Variants in RELL1 observed in about 807,000 individuals in gnomAD.
RELL1 encodes the protein RELT like 1.
Under a neutral mutation model 23.0 loss-of-function variants are expected in RELL1, and 10 were observed. The ratio of observed to expected loss-of-function variants is 0.43; its 90% CI spans 0.27 to 0.74. The LOEUF (loss-of-function observed/expected upper bound fraction) is 0.74, where lower values mean the gene tolerates loss of function less well. RELL1 is among the 30% of genes least tolerant of loss of function. The pLI, the probability that RELL1 is intolerant of heterozygous loss-of-function variation, is 0.19. For synonymous variants in RELL1, 146 were observed against 146.8 expected, an observed-to-expected ratio of 0.99 and a Z score of 0.04; for missense variants, 315 against 364.4, an observed-to-expected ratio of 0.86 and a Z score of 1.10.
At chr4:37,635,934 G>C (rs896493171) in intron 4 of RELL1, among the ~76,000 whole-genome samples, 6 of 152,306 alleles carry the variant, frequency 3.9e-5, no homozygotes, top group South Asian at 2.1e-4. Context: ...AAGCCTTTAG[G>C]CAAAGATATC....
At position 37,619,362 on chromosome 4, in the gene RELL1, T is replaced by A. The variant is rs377487938; in HGVS notation, c.*4-6020A>T. On this transcript the variant is annotated intron_variant, in intron 6 of 6. Transcript: ENST00000454158. ...CACACCTGGCTAATTTTTGTATTTT[T>A]AGTAGAGTCGGGGTTTCACCATATT... 2.5e-4 allele frequency among the ~76,000 whole-genome samples: 38 copies of A among 151,090 alleles called. No individual in the cohort carries two copies. The East Asian group carries it at 4.4e-3, about 17-fold the overall frequency.
At position 37,604,948 on chromosome 4, in the gene RELL1, C is replaced by T. The variant is rs527439612; in HGVS notation, c.*4-13731G>A. Among the ~76,000 whole-genome samples, 414 of 148,690 alleles carry T rather than the reference C, an allele frequency of 2.8e-3. 9 individuals carry two copies. The highest frequency in any genetic ancestry group is 4.8e-3 in the Non-Finnish European group (321 of 66,938). On this transcript the variant is annotated intron_variant, in intron 6 of 6. Coordinates refer to the RELL1 transcript ENST00000314117. ...ACACACACACAGACACACACATACA[C>T]ACACAGAGACACACACATACACACA...
At chr4:37,640,474 T>C (rs986719600) in intron 3 of RELL1, among the ~76,000 whole-genome samples, 2 of 152,240 alleles carry the variant, frequency 1.3e-5, no homozygotes, top group African/African-American at 4.8e-5. Flanking sequence ...CAATCCCATA[T>C]ACAATTTTGT....
chr4:37,596,931 G>C (rs920721392), intron 6 of RELL1, among the ~76,000 whole-genome samples: 2 of 150,832 alleles, frequency 1.3e-5, no homozygotes, highest in African/African-American at 4.9e-5. Context: ...TATTTTTACT[G>C]GAGACAGGGT....
At chr4:37,684,699 T>C (rs1722339188) in intron 1 of RELL1, among the ~76,000 whole-genome samples, 1 of 152,164 alleles carries the variant, frequency 6.6e-6, no homozygotes, top group South Asian at 2.1e-4. Context: ...ATGCCTGTAA[T>C]ACCAGCACTT....
chr4:37,661,010 G>A (rs1364073188), intron 1 of RELL1, among the ~76,000 whole-genome samples: 1 of 150,450 alleles, frequency 6.6e-6, no homozygotes, highest in Non-Finnish European at 1.5e-5. Context: ...CAGCCTGGGT[G>A]ACAGAGTGAG....
At chr4:37,643,980 C>A (rs765725299) in intron 3 of RELL1, among the ~76,000 whole-genome samples, 18 of 152,038 alleles carry the variant, frequency 1.2e-4, no homozygotes, top group Admixed American at 1.2e-3. Context: ...CTGGAGAAAC[C>A]GCAGGTACAC....
At chr4:37,662,262 T>A (rs1371765550) in intron 1 of RELL1, among the ~76,000 whole-genome samples, 1 of 152,190 alleles carries the variant, frequency 6.6e-6, no homozygotes, top group Non-Finnish European at 1.5e-5. Context: ...ATGATAATTA[T>A]CATTTTTAAT....
chr4:37,670,507 A>G (rs1307666443), intron 1 of RELL1, among the ~76,000 whole-genome samples: 1 of 152,238 alleles, frequency 6.6e-6, no homozygotes, highest in Non-Finnish European at 1.5e-5. Flanking sequence ...TTATTACACT[A>G]TAAAACACAA....
chr4:37,658,887 T>C (rs1721218268), intron 1 of RELL1, among the ~76,000 whole-genome samples: 1 of 152,166 alleles, frequency 6.6e-6, no homozygotes, highest in Non-Finnish European at 1.5e-5. Context: ...GTTTTGAAAA[T>C]GTTCCCACCA....
intron 6 of RELL1, among the ~76,000 whole-genome samples, chr4:37,617,777 C>T (rs750083715): frequency 5.9e-5 from 9 of 152,084 alleles, no homozygotes; most frequent in Non-Finnish European, 1.0e-4. Context: ...AGTGAGACTC[C>T]GTCTCAAAAC....
At chr4:37,590,058 C>A (rs757902964), downstream of RELL1, 8 of 1,548,994 alleles carry the variant, frequency 5.2e-6, no homozygotes, top group Admixed American at 1.2e-4. Context: ...ATGGAGCAGA[C>A]CTGACTGGTT....
At chr4:37,675,612 A>G (rs1472522304) in intron 1 of RELL1, among the ~76,000 whole-genome samples, 1 of 152,248 alleles carries the variant, frequency 6.6e-6, no homozygotes, top group Non-Finnish European at 1.5e-5. Context: ...TAACATGGAA[A>G]AGATGCAACA....
intron 1 of RELL1, among the ~76,000 whole-genome samples, chr4:37,684,647 G>T (rs544701692): frequency 6.6e-6 from 1 of 152,090 alleles, no homozygotes; most frequent in Non-Finnish European, 1.5e-5. Context: ...GCAATCAAAC[G>T]CAGGATGAAA....
chr4:37,669,501 T>A (rs1282286029), intron 1 of RELL1, among the ~76,000 whole-genome samples: 1 of 151,854 alleles, frequency 6.6e-6, no homozygotes. Flanking sequence ...GAGGAGCCCC[T>A]CTGCCCGGCC....
chr4:37,673,109 T>C (rs746456447), intron 1 of RELL1, among the ~76,000 whole-genome samples: 23 of 152,188 alleles, frequency 1.5e-4, no homozygotes, highest in South Asian at 4.1e-4. Context: ...AAATACATAA[T>C]TAGCGAGCTT....
At chr4:37,631,565 A>G in intron 5 of RELL1, 42 bp from the exon 6 acceptor site, 1 of 1,598,570 alleles carries the variant, frequency 6.3e-7, no homozygotes, top group Non-Finnish European at 8.5e-7. Flanking sequence ...TTGCTTTTCT[A>G]ATAAACAAGA....
chr4:37,630,344 C>T (rs1050692380), intron 6 of RELL1, among the ~76,000 whole-genome samples: 5 of 140,174 alleles, frequency 3.6e-5, no homozygotes, highest in East Asian at 2.2e-4. Flanking sequence ...GGTTCTGGTG[C>T]GTGTGTGTGT....
At chr4:37,653,147 T>C (rs1271068637) in intron 1 of RELL1, among the ~76,000 whole-genome samples, 1 of 152,204 alleles carries the variant, frequency 6.6e-6, no homozygotes, top group East Asian at 1.9e-4. Flanking sequence ...CTTAGGCAGA[T>C]AGCTACTGAT....
Sources: gnomAD v4.1 joint callset for allele counts (sites outside exome capture counted in the v4.1 genomes callset) on GRCh38, gnomAD v4.1.1 for gene constraint, MANE v1.5 for transcripts, NCBI Gene and HGNC (gene_info 2026-07-23, HGNC 2026-07-21) for gene names.